AKAP10: variants seen among roughly 807,000 people sequenced by gnomAD.
AKAP10 encodes the protein A-kinase anchoring protein 10, also known as A-kinase anchor protein 10, mitochondrial.
In AKAP10, 24 loss-of-function variants were observed where a neutral mutation model predicts 80.8. The observed-to-expected ratio is 0.30, with a 90% CI of 0.22 to 0.42. AKAP10 has a LOEUF of 0.42. Among genes scored for constraint, AKAP10 ranks in the 10% least tolerant of loss-of-function variants. The probability of loss-of-function intolerance (pLI) is 1.00; values close to 1 mark genes in which losing one functional copy is unlikely to be tolerated. For missense variants in AKAP10, 661 were observed against 794.9 expected (o/e 0.83, Z 2.03); for synonymous variants, 291 against 277.7 (o/e 1.05, Z -0.48).
chr17:19,909,052 G>T, intron 14 of AKAP10, 129 bp downstream of exon 14: 1 of 682,708 alleles, frequency 1.5e-6, no homozygotes, highest in Non-Finnish European at 2.3e-6. Flanking sequence ...TTTTCTAGTT[G>T]CTTATGATAA....
chr17:19,975,784 GGTATTT>G (rs2043557947), intron 1 of AKAP10, among the ~76,000 whole-genome samples: 2 of 152,060 alleles, frequency 1.3e-5, no homozygotes, highest in Non-Finnish European at 2.9e-5. Context: ...ACACTCAAAA[GGTATTT>G]GTTGAATAGA....
chr17:19,964,674 G>A (rs748520168), intron 2 of AKAP10, among the ~76,000 whole-genome samples: 9 of 152,016 alleles, frequency 5.9e-5, no homozygotes, highest in Non-Finnish European at 8.8e-5. Context: ...GGCAGATCAC[G>A]AGGCCAGGAG....
intron 1 of AKAP10, among the ~76,000 whole-genome samples, chr17:19,974,146 C>A (rs181293060): frequency 6.6e-6 from 1 of 152,190 alleles, no homozygotes; most frequent in East Asian, 1.9e-4. Flanking sequence ...GAGCCAAGAT[C>A]CGCCACTGCA....
rs1287907335 is a variant in AKAP10, at chr17:19,958,360, C to A, written c.531G>T (p.Val177=). The A allele has an allele frequency of 6.2e-7, 1 of 1,614,116 alleles. No individual in the cohort carries two copies. Among genetic ancestry groups the A allele is most frequent in the Non-Finnish European group, 8.5e-7 (1 of 1,180,044 alleles). ...SRIRAHSLNT[V]KQSSLAEPVS... is the part of the protein sequence containing the mutation. ...CAGGCTCAGCCAGTGAGCTCTGCTTCACTGTGTTTAGACTGTGTGCTCTTA... is the reference window on the plus strand; with the variant it reads ...CAGGCTCAGCCAGTGAGCTCTGCTTAACTGTGTTTAGACTGTGTGCTCTTA... Residue 177 remains valine (V), a synonymous_variant, in exon 4 of 15, where the codon GTG becomes GTT. Coordinates refer to ENST00000225737, the MANE Select transcript of AKAP10 (RefSeq NM_007202.4).
chr17:19,962,941 A>C lies in AKAP10; in HGVS notation c.218T>G (p.Ile73Ser), dbSNP rs770284273. 9 of 1,614,052 alleles carry C rather than the reference A, an allele frequency of 5.6e-6. No homozygotes were observed. The highest frequency in any genetic ancestry group is 6.8e-6 in the Non-Finnish European group (8 of 1,179,962). Residue 73 changes from isoleucine (I) to serine (S), a missense_variant, in exon 3 of 15, where the codon ATC becomes AGC. Coordinates refer to ENST00000225737, the MANE Select transcript of AKAP10 (RefSeq NM_007202.4). ...GTCCATGTTGGCAGAAATGGCATTG[A>C]TTGCAACATGACTTGGTCCTGCAGC... ...LEAAGPSHVA[I>S]NAISANMDSF...
chr17:19,958,453 C>A lies in AKAP10; in HGVS notation c.438G>T (p.Arg146=). Residue 146 remains arginine, a synonymous_variant, in exon 4 of 15, where the codon CGG becomes CGT. Transcript: ENST00000225737. ...LPYFIQFMEL[R]RMEHLVKFWL... is the part of the protein sequence containing the mutation. ...AAAATTTCACCAAATGCTCCATTCG[C>A]CGAAGTTCCATGAATTGAATGAAGT... is the stretch of plus-strand genomic sequence containing the variant. 1 of 1,614,084 alleles carries A rather than the reference C, an allele frequency of 6.2e-7. No homozygotes were observed. Among genetic ancestry groups the A allele is most frequent in the East Asian group, 2.2e-5 (1 of 44,884 alleles).
intron 12 of AKAP10, among the ~76,000 whole-genome samples, chr17:19,911,362 T>G (rs2042687565): frequency 6.6e-6 from 1 of 152,170 alleles, no homozygotes; most frequent in South Asian, 2.1e-4. Flanking sequence ...ACCTTGGACA[T>G]ATCATAAATC....
At chr17:19,942,411 T>A (rs1375871112) in intron 5 of AKAP10, among the ~76,000 whole-genome samples, 1 of 152,152 alleles carries the variant, frequency 6.6e-6, no homozygotes, top group African/African-American at 2.4e-5. Context: ...TGGCCCAACA[T>A]TGTTTTTAAT....
At position 19,936,392 on chromosome 17, in the gene AKAP10, T is replaced by C; in HGVS notation, c.1361A>G (p.Asp454Gly). 3 of 1,613,494 alleles carry C rather than the reference T, an allele frequency of 1.9e-6. No homozygotes were observed. Among genetic ancestry groups the C allele is most frequent in the East Asian group, 2.2e-5 (1 of 44,874 alleles). Residue 454 changes from aspartate to glycine, a missense_variant, in exon 9 of 15, where the codon GAT becomes GGT. Physicochemically the swap from Asp to Gly is moderately conservative, Grantham distance 94. Coordinates refer to ENST00000225737, the MANE Select transcript of AKAP10 (RefSeq NM_007202.4). ...TTCAATTTCTAATCGTACAACATCA[T>C]CAAATCCAAGAGGATGTGTGGCTTG... ...SLQATHPLGF[D>G]DVVRLEIESN...
intron 1 of AKAP10, among the ~76,000 whole-genome samples, chr17:19,973,822 C>T (rs192925703): frequency 9.8e-4 from 149 of 152,268 alleles, no homozygotes; most frequent in Non-Finnish European, 1.8e-3. Context: ...TGAGGTAGAC[C>T]TAACAGATTT....
intron 12 of AKAP10, among the ~76,000 whole-genome samples, chr17:19,915,487 G>C (rs2042734455): frequency 6.6e-6 from 1 of 152,034 alleles, no homozygotes; most frequent in East Asian, 1.9e-4. Context: ...ATGCCTTTTG[G>C]GTGAATAAAT....
At chr17:19,924,184 T>C (rs1245137111) in intron 11 of AKAP10, among the ~76,000 whole-genome samples, 2 of 152,260 alleles carry the variant, frequency 1.3e-5, no homozygotes, top group Non-Finnish European at 2.9e-5. Flanking sequence ...GAAACTGAGA[T>C]ACCAAGAGGT....
At chr17:19,977,567 T>A in intron 1 of AKAP10, 25 bp downstream of exon 1, 2 of 1,232,570 alleles carry the variant, frequency 1.6e-6, no homozygotes, top group Non-Finnish European at 2.0e-6. Context: ...CCGGCCTGAC[T>A]CCCCGCCGGC....
At chr17:19,930,000 A>C (rs8081393) in intron 10 of AKAP10, among the ~76,000 whole-genome samples, 3 of 67,434 alleles carry the variant, frequency 4.4e-5, no homozygotes, top group African/African-American at 1.6e-4. Context: ...AACAAAAACC[A>C]AAAAAAAAAA....
chr17:19,912,070 T>C lies in AKAP10; in HGVS notation c.1835-2092A>G, dbSNP rs1033083821. Among the ~76,000 whole-genome samples the C allele has an allele frequency of 4.0e-4, 61 of 152,130 alleles. 1 individual carries two copies. The highest frequency in any genetic ancestry group is 1.5e-5 in the Non-Finnish European group (1 of 68,018). ...GTCTCTTAGATGATTTTAATGTAAC[T>C]TCTTAAGTTATCTTGCTTGCCCTTC... On this transcript the variant is annotated intron_variant, in intron 12 of 14. Transcript: ENST00000225737.
At chr17:19,906,329 C>T (rs2042631548) in intron 14 of AKAP10, 97 bp from the exon 15 acceptor site, 5 of 1,345,440 alleles carry the variant, frequency 3.7e-6, no homozygotes, top group South Asian at 3.7e-5. Context: ...TTAGTGTTTA[C>T]TATATACCAG....
intron 5 of AKAP10, among the ~76,000 whole-genome samples, chr17:19,944,454 A>G (rs2043082070): frequency 6.6e-6 from 1 of 152,120 alleles, no homozygotes; most frequent in African/African-American, 2.4e-5. Context: ...GATGGAGACC[A>G]TCCTGGCCAA....
chr17:19,942,050 A>G, intron 5 of AKAP10, 140 bp from the exon 6 acceptor site: 1 of 498,104 alleles, frequency 2.0e-6, no homozygotes, highest in Non-Finnish European at 3.3e-6. Flanking sequence ...TACAGGTAAC[A>G]CTTGATCTTA....
chr17:19,931,285 GAAT>G (rs1256765329), intron 10 of AKAP10, among the ~76,000 whole-genome samples: 2 of 151,844 alleles, frequency 1.3e-5, no homozygotes, highest in African/African-American at 2.4e-5. Context: ...GATTCAAATA[GAAT>G]AATGGCCTAA....
Sources: gnomAD v4.1 joint callset for allele counts (sites outside exome capture counted in the v4.1 genomes callset) on GRCh38, gnomAD v4.1.1 for gene constraint, MANE v1.5 for transcripts, NCBI Gene and HGNC (gene_info 2026-07-23, HGNC 2026-07-21) for gene names.